NACC2: variants seen among roughly 807,000 people sequenced by gnomAD.
The protein encoded by NACC2 is NACC family member 2, also known as nucleus accumbens-associated protein 2.
Under a neutral mutation model 25.1 loss-of-function variants are expected in NACC2, and 8 were observed. The ratio of observed to expected loss-of-function variants is 0.32; its 90% CI spans 0.19 to 0.57. The LOEUF (loss-of-function observed/expected upper bound fraction) is 0.57, where lower values mean the gene tolerates loss of function less well. Ranked by LOEUF, NACC2 falls within the 20% of genes least tolerant of loss-of-function variation. NACC2 has a pLI of 0.89. For synonymous variants in NACC2, 435 were observed against 294.7 expected (o/e 1.48, Z -4.88); for missense variants, 644 against 650.2 (o/e 0.99, Z 0.10).
chr9:136,013,199 A>G lies in NACC2; in HGVS notation c.1255T>C (p.Leu419=). ...LDSRVLNAVK[L]YCQNFAPSFK... ...ACCCGAGAGACCCCCAGGCTCTTAC[A>G]TTTCACAGCGTTCAGGACCCGGCTG... Residue 419 remains leucine, a splice_region_variant and synonymous_variant, in exon 5 of 6, where the codon TTG becomes CTG. Transcript: ENST00000277554. The surrounding 1 kb of genome is among the most constrained non-coding windows in gnomAD (Gnocchi z 6.6). 1.9e-6 allele frequency: 3 copies of G among 1,594,726 alleles called. No individual in the cohort carries two copies. The highest frequency in any genetic ancestry group is 2.6e-6 in the Non-Finnish European group (3 of 1,172,338).
chr9:136,020,741 A>C lies in NACC2; in HGVS notation c.887-4312T>G, dbSNP rs1394318462. Reference sequence around the variant, plus strand: ...GTCATGAAGCCTGCATGGTTCAGGGAAGTGGACAGACAGGTCAATGGCACA... The same window carrying C: ...GTCATGAAGCCTGCATGGTTCAGGGCAGTGGACAGACAGGTCAATGGCACA... On this transcript the variant is annotated intron_variant, in intron 2 of 5. Transcript: ENST00000277554. The surrounding 1 kb of genome is among the most constrained non-coding windows in gnomAD (Gnocchi z 4.7). Among the ~76,000 whole-genome samples the C allele has an allele frequency of 6.6e-6, 1 of 152,174 alleles. No homozygotes were observed. The highest frequency in any genetic ancestry group is 1.9e-4 in the East Asian group (1 of 5,194).
intron 1 of NACC2, among the ~76,000 whole-genome samples, chr9:136,075,454 G>T (rs541123512): frequency 6.6e-6 from 1 of 152,252 alleles, no homozygotes; most frequent in African/African-American, 2.4e-5. Flanking sequence ...TTTCCCTTTC[G>T]TAGACGTCGG....
intron 1 of NACC2, among the ~76,000 whole-genome samples, chr9:136,056,063 C>A (rs913618839): frequency 6.6e-6 from 1 of 151,976 alleles, no homozygotes; most frequent in African/African-American, 2.4e-5. Context: ...TTTGCTTTGA[C>A]CCTATACCTT....
intron 1 of NACC2, among the ~76,000 whole-genome samples, chr9:136,076,231 T>A (rs1830261505): frequency 6.6e-6 from 1 of 152,172 alleles, no homozygotes; most frequent in Non-Finnish European, 1.5e-5. Context: ...AGGGGCAGCG[T>A]TTCCCGGCCC....
chr9:136,056,606 A>G (rs907463919), intron 1 of NACC2, among the ~76,000 whole-genome samples: 2 of 152,184 alleles, frequency 1.3e-5, no homozygotes, highest in African/African-American at 4.8e-5. Context: ...GGAGAGTTCC[A>G]CCCAGGAAAG....
chr9:136,010,733 C>G lies in NACC2; in HGVS notation c.*783G>C, dbSNP rs542466924. 2.0e-5 allele frequency: 3 copies of G among 152,284 alleles called. No individual in the cohort carries two copies. Among genetic ancestry groups the G allele is most frequent in the African/African-American group, 7.2e-5 (3 of 41,450 alleles). The allele number at this position is 152,284 out of a possible 1,614,324, so 9.4% of individuals were successfully genotyped here. A position where few individuals can be genotyped will look rare whatever the true frequency, so the allele number is the denominator to read the frequency against. On this transcript the variant is annotated 3_prime_UTR_variant, in exon 6 of 6. Transcript: ENST00000277554. This position sits in a 1 kb window ranked among gnomAD's most constrained non-coding sequence, Gnocchi z 4.9. ...CAGCGTGTGCTACATCAGCTGTGCA[C>G]GTCCCACAGTGGGCCCGGGCGGGAC...
At position 136,084,790 on chromosome 9, in the gene NACC2, G is replaced by A. The variant is rs528169697; in HGVS notation, c.-60+10399C>T. Among the ~76,000 whole-genome samples, 113 of 152,376 alleles carry A rather than the reference G, an allele frequency of 7.4e-4. No individual in the cohort carries two copies. The highest frequency in any genetic ancestry group is 2.6e-3 in the African/African-American group (107 of 41,586). On this transcript the variant is annotated intron_variant, in intron 1 of 5. Coordinates refer to ENST00000277554, the MANE Select transcript of NACC2 (RefSeq NM_144653.5). This position sits in a 1 kb window ranked among gnomAD's most constrained non-coding sequence, Gnocchi z 5.1. Reference sequence around the variant, plus strand: ...CGGGCTCCGCCACTCCCTGCAACCCGGAGGAGCCGTGGGGAGAGGGTGCGG... The same window carrying A: ...CGGGCTCCGCCACTCCCTGCAACCCAGAGGAGCCGTGGGGAGAGGGTGCGG...
chr9:136,049,748 G>C lies in NACC2; in HGVS notation c.774C>G (p.Asp258Glu). The C allele has an allele frequency of 1.3e-6, 1 of 778,404 alleles. No homozygotes were observed. The highest frequency in any genetic ancestry group is 2.4e-5 in the East Asian group (1 of 41,180). 48.2% of individuals were successfully genotyped at this position (778,404 alleles called of 1,614,324 possible). A position where few individuals can be genotyped will look rare whatever the true frequency, so the allele number is the denominator to read the frequency against. ...SPGASSLPTT[D>E]SPTSYHNEED... ...CCTCGTTGTGGTACGAGGTGGGGCTGTCGGTGGTGGGCAGGCTGCTGGCGC... is the reference window on the plus strand; with the variant it reads ...CCTCGTTGTGGTACGAGGTGGGGCTCTCGGTGGTGGGCAGGCTGCTGGCGC... Residue 258 changes from aspartate (D) to glutamate (E), a missense_variant, in exon 2 of 6, where the codon GAC (aspartate) becomes GAG (glutamate). Coordinates refer to ENST00000277554, the MANE Select transcript of NACC2 (RefSeq NM_144653.5).
chr9:136,054,086 T>C (rs1430557426), intron 1 of NACC2, among the ~76,000 whole-genome samples: 1 of 152,196 alleles, frequency 6.6e-6, no homozygotes, highest in Non-Finnish European at 1.5e-5. Flanking sequence ...AATGGAACAA[T>C]GTTTGTGAAG....
In NACC2 at chr9:136,016,141, G is replaced by A. The variant is rs563399076; in HGVS notation, c.1051+124C>T. The A allele has an allele frequency of 6.8e-5, 73 of 1,080,760 alleles. 2 individuals are homozygous for A. The South Asian group carries it at 1.1e-3, about 16-fold the overall frequency. 66.9% of individuals were successfully genotyped at this position (1,080,760 alleles called of 1,614,324 possible). On this transcript the variant is annotated intron_variant, in intron 3 of 5. Coordinates refer to ENST00000277554, the MANE Select transcript of NACC2 (RefSeq NM_144653.5). ...CACATTCTTCTAAAAGGAAATTAGA[G>A]GAAATTTAAGATTTTTTTTTTGACT...
At chr9:136,068,086 C>T (rs1841108684) in intron 1 of NACC2, among the ~76,000 whole-genome samples, 1 of 152,174 alleles carries the variant, frequency 6.6e-6, no homozygotes, top group African/African-American at 2.4e-5. Flanking sequence ...CGGGACTGGG[C>T]ATTGCTCTGG....
At chr9:136,082,359 C>T (rs368320280) in intron 1 of NACC2, among the ~76,000 whole-genome samples, 7 of 152,244 alleles carry the variant, frequency 4.6e-5, no homozygotes, top group Admixed American at 1.3e-4. Flanking sequence ...CGTGCTGAGC[C>T]GGCGGATGGG....
intron 2 of NACC2, among the ~76,000 whole-genome samples, chr9:136,040,078 G>A (rs1370392198): frequency 6.6e-6 from 1 of 152,144 alleles, no homozygotes; most frequent in Non-Finnish European, 1.5e-5. Flanking sequence ...GGGCACAGGG[G>A]CTCACTCCTG....
intron 1 of NACC2, among the ~76,000 whole-genome samples, chr9:136,054,122 A>G (rs1249157770): frequency 4.6e-5 from 7 of 152,222 alleles, no homozygotes; most frequent in Non-Finnish European, 8.8e-5. Flanking sequence ...TCACACACAG[A>G]AAGCCGGTGA....
At chr9:136,066,832 C>T (rs189279420) in intron 1 of NACC2, among the ~76,000 whole-genome samples, 104 of 151,734 alleles carry the variant, frequency 6.9e-4, no homozygotes, top group South Asian at 5.6e-3. Context: ...CACGGATGAG[C>T]GCTACGCTAA....
chr9:136,047,245 G>C (rs1423877223), intron 2 of NACC2, among the ~76,000 whole-genome samples: 1 of 152,178 alleles, frequency 6.6e-6, no homozygotes, highest in Non-Finnish European at 1.5e-5. Context: ...TAGCACCCAG[G>C]GGCAGCTCCA....
intron 1 of NACC2, among the ~76,000 whole-genome samples, chr9:136,056,046 A>G (rs776556172): frequency 9.2e-5 from 14 of 152,124 alleles, no homozygotes; most frequent in Admixed American, 2.0e-4. Flanking sequence ...TGCAGGCTCC[A>G]GGAGGATTTG....
At chr9:136,070,676 A>G (rs1564238620) in intron 1 of NACC2, among the ~76,000 whole-genome samples, 1 of 151,262 alleles carries the variant, frequency 6.6e-6, no homozygotes, top group Non-Finnish European at 1.5e-5. Flanking sequence ...CAGAAAAAAA[A>G]AAAACAAAAA....
chr9:136,026,938 A>G (rs933641844), intron 2 of NACC2, among the ~76,000 whole-genome samples: 2 of 152,172 alleles, frequency 1.3e-5, no homozygotes, highest in African/African-American at 4.8e-5. Context: ...GTAGAAAATA[A>G]CGTTTGTTGG....
Sources: gnomAD v4.1 joint callset for allele counts (sites outside exome capture counted in the v4.1 genomes callset) on GRCh38, gnomAD v4.1.1 for gene constraint, Gnocchi (gnomAD v3.1) non-coding constraint, MANE v1.5 for transcripts, NCBI Gene and HGNC (gene_info 2026-07-23, HGNC 2026-07-21) for gene names.